SVIL: variants seen among roughly 807,000 people sequenced by gnomAD.
The protein encoded by SVIL is archvillin.
SVIL carries 101 observed loss-of-function variants against 240.4 expected under a neutral mutation model. The ratio of observed to expected loss-of-function variants is 0.42; its 90% CI spans 0.36 to 0.50. The LOEUF (loss-of-function observed/expected upper bound fraction) is 0.50, where lower values mean the gene tolerates loss of function less well. Among genes scored for constraint, SVIL ranks in the 20% least tolerant of loss-of-function variants. The pLI, the probability that SVIL is intolerant of heterozygous loss-of-function variation, is 0.01. For synonymous variants in SVIL, 999 were observed against 1,100.0 expected, an observed-to-expected ratio of 0.91 and a Z score of 1.82; for missense variants, 2,512 against 2,818.7, an observed-to-expected ratio of 0.89 and a Z score of 2.46.
intron 1 of SVIL, among the ~76,000 whole-genome samples, chr10:29,580,970 G>A (rs78103662): frequency 6.6e-6 from 1 of 152,206 alleles, no homozygotes; most frequent in Admixed American, 6.5e-5. Context: ...TAAATGTACA[G>A]TATAGGGGAG....
intron 29 of SVIL, 122 bp from the exon 30 acceptor site, chr10:29,474,111 A>G: frequency 1.5e-6 from 2 of 1,367,394 alleles, no homozygotes; most frequent in Non-Finnish European, 1.9e-6. Context: ...GACCTAGGGC[A>G]GGGGAGAAAC....
chr10:29,496,797 G>T (rs7920339), intron 18 of SVIL, among the ~76,000 whole-genome samples: 5 of 152,212 alleles, frequency 3.3e-5, no homozygotes, highest in Admixed American at 1.3e-4. Context: ...GCATTTGGTA[G>T]TAAGAACCCA....
chr10:29,626,631 T>C (rs1006190519), intron 1 of SVIL, among the ~76,000 whole-genome samples: 6 of 152,032 alleles, frequency 3.9e-5, no homozygotes, highest in African/African-American at 1.2e-4. Flanking sequence ...CAAAAGAAGA[T>C]AAAAATAAAT....
In SVIL at chr10:29,458,506, G is replaced by T; in HGVS notation, c.6486C>A (p.Leu2162=). Residue 2162 remains leucine (L), a synonymous_variant, in exon 37 of 38, where the codon CTC becomes CTA. Coordinates refer to ENST00000355867, the MANE Select transcript of SVIL (RefSeq NM_021738.3). ...CCCCCTCCGGGAGTGGCCTGGCCAG[G>T]AGGTCGGCCAGCGGGTAAATGGTTT... The part of the protein sequence containing the change: ...LCKTIYPLAD[L]LARPLPEGVD... 1.9e-6 allele frequency: 3 copies of T among 1,596,830 alleles called. No homozygotes were observed. The highest frequency in any genetic ancestry group is 1.7e-6 in the Non-Finnish European group (2 of 1,171,624).
chr10:29,569,251 T>A lies in SVIL; in HGVS notation c.-143+4A>T. 1.0e-6 allele frequency: 1 copy of A among 985,710 alleles called. No homozygotes were observed. The highest frequency in any genetic ancestry group is 4.7e-5 in the South Asian group (1 of 21,282). 61.1% of individuals were successfully genotyped at this position (985,710 alleles called of 1,614,324 possible). On this transcript the variant is annotated splice_donor_region_variant and intron_variant, in intron 2 of 37. Transcript: ENST00000355867. ...TCACAGTTGTTGAGACAAGGCCACT[T>A]TACCTTGAAACTTTCCTTTGACGTG...
chr10:29,720,503 G>A (rs1220580377), intron 1 of SVIL, among the ~76,000 whole-genome samples: 2 of 152,166 alleles, frequency 1.3e-5, no homozygotes, highest in Non-Finnish European at 2.9e-5. Flanking sequence ...TTCATCACCA[G>A]AAGTCCTACA....
intron 27 of SVIL, chr10:29,483,368 A>G (rs1947089604): frequency 6.6e-6 from 1 of 152,300 alleles, no homozygotes; most frequent in East Asian, 1.9e-4. Flanking sequence ...CTCATTTGCT[A>G]AGAAGGTCTG....
intron 1 of SVIL, among the ~76,000 whole-genome samples, chr10:29,696,509 G>A (rs939359786): frequency 2.7e-5 from 4 of 147,206 alleles, no homozygotes; most frequent in Non-Finnish European, 4.6e-5. Context: ...GAAGTGAGGA[G>A]CGCCTCGTCC....
chr10:29,534,096 T>A (rs1181418854), intron 7 of SVIL, among the ~76,000 whole-genome samples: 3 of 152,220 alleles, frequency 2.0e-5, no homozygotes, highest in Admixed American at 6.5e-5. Context: ...TTATGAATAA[T>A]TCTAGCACCA....
chr10:29,629,507 C>T (rs1435333234), intron 1 of SVIL, among the ~76,000 whole-genome samples: 1 of 152,138 alleles, frequency 6.6e-6, no homozygotes, highest in African/African-American at 2.4e-5. Flanking sequence ...AAAGTTTGGG[C>T]TGCACTGGCT....
chr10:29,470,234 A>G (rs763220906), intron 32 of SVIL, 42 bp downstream of exon 32: 1 of 1,590,278 alleles, frequency 6.3e-7, no homozygotes, highest in Non-Finnish European at 8.6e-7. Flanking sequence ...CCCTCTGGGA[A>G]GCCCGGTGTG....
At chr10:29,507,112 G>A (rs1191336210) in intron 17 of SVIL, among the ~76,000 whole-genome samples, 1 of 152,084 alleles carries the variant, frequency 6.6e-6, no homozygotes, top group Non-Finnish European at 1.5e-5. Flanking sequence ...GGGGGCCCAT[G>A]GTCTCTAGTT....
intron 32 of SVIL, among the ~76,000 whole-genome samples, chr10:29,469,419 A>G (rs940469473): frequency 1.3e-5 from 2 of 152,154 alleles, no homozygotes; most frequent in Non-Finnish European, 2.9e-5. Flanking sequence ...CACCAAATCA[A>G]ACTCTGGGGA....
intron 1 of SVIL, among the ~76,000 whole-genome samples, chr10:29,570,753 G>A (rs1282942599): frequency 6.6e-6 from 1 of 152,200 alleles, no homozygotes; most frequent in Non-Finnish European, 1.5e-5. Flanking sequence ...TGGTTTAGTA[G>A]TAACTTTAAC....
At chr10:29,474,040 GAGAAGCAA>G (rs1945890163) in intron 29 of SVIL, 51 bp from the exon 30 acceptor site, 1 of 1,593,008 alleles carries the variant, frequency 6.3e-7, no homozygotes, top group Admixed American at 1.7e-5. Context: ...GACACCCGAG[GAGAAGCAA>G]ATGTCTGGCT....
chr10:29,695,041 T>C (rs536646521), intron 1 of SVIL, among the ~76,000 whole-genome samples: 6 of 152,254 alleles, frequency 3.9e-5, no homozygotes, highest in African/African-American at 1.4e-4. Context: ...TTCTAGTGAA[T>C]TGGGGTTCCA....
rs2148900 is a variant in SVIL, at chr10:29,498,047, A to T, written c.3664+1069T>A. 2.6e-3 allele frequency among the ~76,000 whole-genome samples: 335 copies of T among 130,428 alleles called. 13 individuals carry two copies. The East Asian group carries it at 0.07, about 27-fold the overall frequency. The allele number at this position is 130,428 out of a possible 152,430, so 85.6% of individuals were successfully genotyped here. On this transcript the variant is annotated intron_variant, in intron 18 of 37. Transcript: ENST00000355867. ...CAGTGACCTGAGATTGTGCCACTGC[A>T]CTCCAGCCTGGGAGACAGAGCGAGA...
At chr10:29,500,599 C>T (rs759183298) in intron 17 of SVIL, among the ~76,000 whole-genome samples, 6 of 152,182 alleles carry the variant, frequency 3.9e-5, no homozygotes, top group East Asian at 1.9e-4. Flanking sequence ...CTAGGAGGTT[C>T]CCCAGATTGC....
chr10:29,665,552 T>C (rs1184854448), intron 2 of SVIL, among the ~76,000 whole-genome samples: 1 of 152,102 alleles, frequency 6.6e-6, no homozygotes, highest in Non-Finnish European at 1.5e-5. Flanking sequence ...TCCCAGCACT[T>C]TGGGAGGCCG....
Sources: allele counts gnomAD v4.1 joint callset (sites outside exome capture counted in the v4.1 genomes callset), GRCh38; gene constraint gnomAD v4.1.1; transcripts MANE v1.5; gene names NCBI Gene and HGNC (gene_info 2026-07-23, HGNC 2026-07-21).